Variants in SEMA4B observed in about 807,000 individuals in gnomAD.
The protein encoded by SEMA4B is semaphorin-4B.
A neutral mutation model predicts 88.1 loss-of-function variants in SEMA4B; 55 were observed. The observed-to-expected ratio is 0.62, with a 90% CI of 0.50 to 0.78. The LOEUF is 0.78. Ranked by LOEUF, SEMA4B falls within the 30% of genes least tolerant of loss-of-function variation. SEMA4B has a pLI of 0.00. For missense variants in SEMA4B, 1,062 were observed against 1,111.9 expected (o/e 0.96, Z 0.64); for synonymous variants, 525 against 473.6 (o/e 1.11, Z -1.41).
At chr15:90,196,496 A>G (rs1049032812), upstream of SEMA4B, among the ~76,000 whole-genome samples, 2 of 143,446 alleles carry the variant, frequency 1.4e-5, no homozygotes, top group Admixed American at 7.1e-5. Flanking sequence ...CATTTCTTCT[A>G]CTTTTTTTTT....
chr15:90,226,340 C>T (rs1962171442), intron 12 of SEMA4B, among the ~76,000 whole-genome samples: 1 of 152,198 alleles, frequency 6.6e-6, no homozygotes, highest in African/African-American at 2.4e-5. Flanking sequence ...TATTTTATTT[C>T]ATTTCATTTC....
At chr15:90,199,061 A>C (rs1960609313), upstream of SEMA4B, among the ~76,000 whole-genome samples, 2 of 152,056 alleles carry the variant, frequency 1.3e-5, no homozygotes, top group Non-Finnish European at 2.9e-5. Context: ...CTTAGTAGAG[A>C]TGGGGATTCA....
In SEMA4B at chr15:90,221,459, A is replaced by G. The variant is rs1295865812; in HGVS notation, c.688A>G (p.Ser230Gly). 6.3e-7 allele frequency: 1 copy of G among 1,592,432 alleles called. No individual in the cohort carries two copies. Among genetic ancestry groups the G allele is most frequent in the African/African-American group, 1.3e-5 (1 of 74,108 alleles). The change falls in exon 6 of 14, where the codon AGC (serine) becomes GGC (glycine). Residue 230 changes from serine (S) to glycine (G), a missense_variant. Transcript: ENST00000411539. ...AAGCCTTCGCCCCACCAAGACCGAG[A>G]GCTCCCTCAACTGGCTGCAAGGTGA... ...SQSLRPTKTESSLNWLQDPAF... is the reference protein window; with the variant it reads ...SQSLRPTKTEGSLNWLQDPAF...
intron 1 of SEMA4B, among the ~76,000 whole-genome samples, chr15:90,214,332 A>G (rs1427775863): frequency 6.8e-6 from 1 of 146,464 alleles, no homozygotes; most frequent in Non-Finnish European, 1.5e-5. Flanking sequence ...CCGTCTCAAA[A>G]AAAAAAAAAA....
chr15:90,206,304 T>G (rs1960986212), intron 1 of SEMA4B, among the ~76,000 whole-genome samples: 1 of 152,194 alleles, frequency 6.6e-6, no homozygotes, highest in African/African-American at 2.4e-5. Context: ...GAGACTCCTG[T>G]GGTCGAGGCC....
chr15:90,214,284 C>A (rs1289120144), intron 1 of SEMA4B, among the ~76,000 whole-genome samples: 2 of 145,740 alleles, frequency 1.4e-5, no homozygotes, highest in Admixed American at 1.4e-4. Context: ...GTGTAGGTTG[C>A]ACCATTGCAC....
At chr15:90,189,636 A>G (rs2151582465) in intron 1 of SEMA4B, among the ~76,000 whole-genome samples, 1 of 144,396 alleles carries the variant, frequency 6.9e-6, no homozygotes. Context: ...TTCCAAACTG[A>G]GGTATAATTT....
At chr15:90,200,608 G>T (rs1960668399), upstream of SEMA4B, among the ~76,000 whole-genome samples, 1 of 152,202 alleles carries the variant, frequency 6.6e-6, no homozygotes, top group Non-Finnish European at 1.5e-5. Flanking sequence ...AGGATTAGGG[G>T]TGGGTGCCTC....
chr15:90,186,708 T>G (rs1054990580), intron 1 of SEMA4B, among the ~76,000 whole-genome samples: 2 of 152,060 alleles, frequency 1.3e-5, no homozygotes, highest in African/African-American at 4.8e-5. Flanking sequence ...GAGGCCGAGA[T>G]GGGCGGAGAG....
chr15:90,212,282 G>A lies in SEMA4B; in HGVS notation c.158-5157G>A, dbSNP rs7164810. Among the ~76,000 whole-genome samples, 3,993 of 152,238 alleles carry A rather than the reference G, an allele frequency of 0.026. 158 individuals are homozygous for A. The highest frequency in any genetic ancestry group is 0.085 in the African/African-American group (3,524 of 41,528). ...CAGACCAGCCCCGGTCTGCCTTTTT[G>A]AAGGATGATCTGCCTAGTGGGATGC... On this transcript the variant is annotated intron_variant, in intron 1 of 13. Transcript: ENST00000411539. This position sits in a 1 kb window ranked among gnomAD's most constrained non-coding sequence, Gnocchi z 4.0.
upstream of SEMA4B, among the ~76,000 whole-genome samples, chr15:90,197,190 C>T (rs900911532): frequency 2.6e-5 from 4 of 151,964 alleles, no homozygotes; most frequent in African/African-American, 9.7e-5. Flanking sequence ...AGTTTGAGAC[C>T]AGCCTGGGCA....
chr15:90,227,354 G>T lies in SEMA4B; in HGVS notation c.1689-203G>T. 5.1e-6 allele frequency: 3 copies of T among 585,952 alleles called. No homozygotes were observed. The East Asian group carries it at 8.6e-5, about 17-fold the overall frequency. 36.3% of individuals were successfully genotyped at this position (585,952 alleles called of 1,614,324 possible). On this transcript the variant is annotated intron_variant, in intron 12 of 13. Coordinates refer to ENST00000411539, the MANE Select transcript of SEMA4B (RefSeq NM_198925.4). ...GGGCCACCATGCCTGGCCACTGAGG[G>T]TACATACTGTTTATGTAATTAAGGG...
intron 1 of SEMA4B, chr15:90,185,154 G>A: frequency 1.2e-6 from 1 of 820,672 alleles, no homozygotes; most frequent in Non-Finnish European, 1.5e-6. Flanking sequence ...AAACCGCCGC[G>A]CAGCCGCTGC....
At chr15:90,223,192 G>A (rs1338410097) in intron 7 of SEMA4B, among the ~76,000 whole-genome samples, 1 of 151,774 alleles carries the variant, frequency 6.6e-6, no homozygotes, top group Admixed American at 6.6e-5. Flanking sequence ...TGATCCACCC[G>A]CCTTGGCCTC....
intron 1 of SEMA4B, among the ~76,000 whole-genome samples, chr15:90,191,271 C>T (rs113758856): frequency 0.051 from 7,738 of 152,226 alleles, 580 homozygotes; most frequent in African/African-American, 0.17. Flanking sequence ...CTGGGCGGGC[C>T]GGTTCTTTCT....
In SEMA4B at chr15:90,228,213, C is replaced by A; in HGVS notation, c.2084C>A (p.Thr695Lys). The change falls in exon 14 of 14, where the codon ACA becomes AAA. Residue 695 changes from threonine (T) to lysine (K), a missense_variant. By Grantham distance (78) the Thr-to-Lys change is moderately conservative. Transcript: ENST00000411539. ...EGGSVPVIIS[T>K]SRVSAPAGGK... ...GGCAGTGTACCCGTCATTATCAGCA[C>A]ATCGCGTGTGAGTGCACCAGCTGGT... The A allele has an allele frequency of 6.2e-7, 1 of 1,608,714 alleles. No homozygotes were observed. Among genetic ancestry groups the A allele is most frequent in the Non-Finnish European group, 8.5e-7 (1 of 1,177,246 alleles).
chr15:90,227,677 TG>T, intron 13 of SEMA4B, 35 bp downstream of exon 13: 1 of 1,605,104 alleles, frequency 6.2e-7, no homozygotes, highest in Non-Finnish European at 8.5e-7. Flanking sequence ...AGGAGAGAGG[TG>T]GGGACAAGTG....
intron 1 of SEMA4B, among the ~76,000 whole-genome samples, chr15:90,205,381 G>T (rs576658005): frequency 6.6e-6 from 1 of 152,316 alleles, no homozygotes; most frequent in East Asian, 1.9e-4. Flanking sequence ...TTTGTCCCCA[G>T]CTCTGTCCTA....
At chr15:90,222,249 C>CTTT (rs766999023) in intron 7 of SEMA4B, among the ~76,000 whole-genome samples, 14 of 104,344 alleles carry the variant, frequency 1.3e-4, no homozygotes, top group African/African-American at 5.9e-4. Context: ...CATTTTTTTT[C>CTTT]TTTTCTTTTT....
Sources: gnomAD v4.1 joint callset for allele counts (sites outside exome capture counted in the v4.1 genomes callset) on GRCh38, gnomAD v4.1.1 for gene constraint, Gnocchi (gnomAD v3.1) non-coding constraint, MANE v1.5 for transcripts, NCBI Gene and HGNC (gene_info 2026-07-23, HGNC 2026-07-21) for gene names.